The following U2AF2 variants were observed in gnomAD, a reference collection of about 807,000 sequenced individuals.
The protein encoded by U2AF2 is U2 small nuclear RNA auxiliary factor 2.
U2AF2 carries 6 observed loss-of-function variants against 52.6 expected under a neutral mutation model. That is an observed-to-expected ratio of 0.11 (90% CI 0.06 to 0.23). The LOEUF is 0.23. U2AF2 is among the 10% of genes least tolerant of loss of function. The probability of loss-of-function intolerance (pLI) is 1.00; values close to 1 mark genes in which losing one functional copy is unlikely to be tolerated. For synonymous variants in U2AF2, 284 were observed against 258.2 expected (o/e 1.10, Z -0.96); for missense variants, 222 against 677.1 (o/e 0.33, Z 7.46).
At chr19:55,667,546 G>A (rs754897621) in intron 7 of U2AF2, among the ~76,000 whole-genome samples, 1 of 152,202 alleles carries the variant, frequency 6.6e-6, no homozygotes, top group Non-Finnish European at 1.5e-5. Context: ...TCGAGGGCCA[G>A]TAAATTCAGC....
intron 7 of U2AF2, among the ~76,000 whole-genome samples, chr19:55,666,653 A>G (rs976773998): frequency 6.6e-6 from 1 of 152,254 alleles, no homozygotes; most frequent in African/African-American, 2.4e-5. Context: ...GGTTCTTCCC[A>G]TTCTACAGAT....
chr19:55,661,921 C>G (rs2123679885), intron 5 of U2AF2: 1 of 153,258 alleles, frequency 6.5e-6, no homozygotes, highest in East Asian at 1.9e-4. Flanking sequence ...TCCTCCACAT[C>G]ACTCTTTTCT....
Position 55,668,912 on chromosome 19 carries a change from C to T in U2AF2, c.945+120C>T. 2 of 1,527,214 alleles carry T rather than the reference C, an allele frequency of 1.3e-6. No individual in the cohort carries two copies. Among genetic ancestry groups the T allele is most frequent in the Non-Finnish European group, 1.8e-6 (2 of 1,133,688 alleles). 94.6% of individuals were successfully genotyped at this position (1,527,214 alleles called of 1,614,324 possible). ...GAGGCGGCCAACCTGAGGCAGTGCC[C>T]TGTGTGTGGGCTCGTCCCTGTCCCA... On this transcript the variant is annotated intron_variant, in intron 9 of 11. Coordinates refer to ENST00000308924, the MANE Select transcript of U2AF2 (RefSeq NM_007279.3). This position sits in a 1 kb window ranked among gnomAD's most constrained non-coding sequence, Gnocchi z 5.5.
chr19:55,672,343 T>G (rs1488694272), intron 11 of U2AF2, among the ~76,000 whole-genome samples: 1 of 152,182 alleles, frequency 6.6e-6, no homozygotes, highest in Non-Finnish European at 1.5e-5. Context: ...TCCCCCCTCC[T>G]TTTTCTTTGC....
intron 7 of U2AF2, chr19:55,664,182 T>A: frequency 5.8e-6 from 1 of 173,856 alleles, no homozygotes; most frequent in East Asian, 1.7e-4. Context: ...AGTGTTTGCC[T>A]TGAATCTTGT....
At chr19:55,661,342 GC>G in intron 5 of U2AF2, 153 bp downstream of exon 5, 1 of 839,460 alleles carries the variant, frequency 1.2e-6, no homozygotes, top group Non-Finnish European at 1.7e-6. Flanking sequence ...AGTTGAGCCA[GC>G]CAGGGGCCGG....
intron 11 of U2AF2, 142 bp downstream of exon 11, chr19:55,669,834 C>G (rs534517016): frequency 9.1e-6 from 12 of 1,312,674 alleles, no homozygotes; most frequent in African/African-American, 3.0e-5. Context: ...CCTCTCGCAG[C>G]GCGTGCGTAT....
rs746644301 is a variant in U2AF2 at position 55,655,149 on chromosome 19, A to G, written c.45A>G (p.Lys15=). 2 of 1,604,038 alleles carry G rather than the reference A, an allele frequency of 1.2e-6. No individual in the cohort carries two copies. Among genetic ancestry groups the G allele is most frequent in the Non-Finnish European group, 1.7e-6 (2 of 1,176,172 alleles). The change falls in exon 1 of 12, where the codon AAA becomes AAG. Residue 15 remains lysine (K), a synonymous_variant. Transcript: ENST00000308924. ...TCGAGCGGCAGCTCAACGAGAATAA[A>G]CAAGGTGAGGGCACCGGGGTCGCGG... is the stretch of plus-strand genomic sequence containing the variant. ...DEFERQLNEN[K]QERDKENRHR...
chr19:55,672,274 C>T (rs778677366), intron 11 of U2AF2, among the ~76,000 whole-genome samples: 2 of 152,156 alleles, frequency 1.3e-5, no homozygotes, highest in Admixed American at 1.3e-4. Context: ...GGTGTTCCTT[C>T]ATCTGGCTTC....
rs1341353786 is a variant in U2AF2, at chr19:55,674,706, A to G, written c.*638A>G. The G allele has an allele frequency of 6.6e-6, 1 of 151,910 alleles. No individual in the cohort carries two copies. The highest frequency in any genetic ancestry group is 1.5e-5 in the Non-Finnish European group (1 of 68,036). The allele number at this position is 151,910 out of a possible 1,614,324, so 9.4% of individuals were successfully genotyped here. On this transcript the variant is annotated 3_prime_UTR_variant, in exon 12 of 12. Transcript: ENST00000308924. ...ATTTGCTCATTAAACATTTTGTTGT[A>G]TTTTACTTTATGGAGCGGCTGTGTG...
At chr19:55,657,415 C>A (rs1371774697) in intron 1 of U2AF2, among the ~76,000 whole-genome samples, 1 of 152,202 alleles carries the variant, frequency 6.6e-6, no homozygotes, top group African/African-American at 2.4e-5. Flanking sequence ...CTGCTTCAGT[C>A]CTTTCCTCTG....
intron 1 of U2AF2, among the ~76,000 whole-genome samples, chr19:55,658,267 G>A (rs893443956): frequency 3.3e-5 from 5 of 152,170 alleles, no homozygotes; most frequent in Non-Finnish European, 7.3e-5. Flanking sequence ...TTGAATTAAG[G>A]AAATGGTGTG....
chr19:55,665,650 T>C (rs1025797130), intron 7 of U2AF2, among the ~76,000 whole-genome samples: 48 of 152,120 alleles, frequency 3.2e-4, no homozygotes, highest in Non-Finnish European at 4.3e-4. Flanking sequence ...GTTTTTTGTT[T>C]TTTTGTTGTG....
At chr19:55,673,036 G>T (rs950841288) in intron 11 of U2AF2, among the ~76,000 whole-genome samples, 1 of 151,660 alleles carries the variant, frequency 6.6e-6, no homozygotes, top group Non-Finnish European at 1.5e-5. Flanking sequence ...TTCACCTCCC[G>T]AGTTAAAGAA....
intron 1 of U2AF2, among the ~76,000 whole-genome samples, chr19:55,656,459 T>C (rs1435208114): frequency 6.6e-6 from 1 of 152,232 alleles, no homozygotes; most frequent in East Asian, 1.9e-4. Context: ...AGATACCTGC[T>C]TTGTCGTTTA....
intron 1 of U2AF2, among the ~76,000 whole-genome samples, chr19:55,655,715 C>G (rs1210745275): frequency 6.6e-6 from 1 of 152,234 alleles, no homozygotes; most frequent in African/African-American, 2.4e-5. Flanking sequence ...ACCCCTTTTC[C>G]TTTTTGCTGA....
At position 55,668,826 on chromosome 19, in the gene U2AF2, G is replaced by C; in HGVS notation, c.945+34G>C. The C allele has an allele frequency of 6.3e-7, 1 of 1,595,940 alleles. No individual in the cohort carries two copies. Among genetic ancestry groups the C allele is most frequent in the South Asian group, 1.1e-5 (1 of 89,942 alleles). ...CCGGTCGCTGGCCGCTGCCGCGTCTGTCCTTCCCTGCCCTGCGCTGTTGCC... is the reference window on the plus strand; with the variant it reads ...CCGGTCGCTGGCCGCTGCCGCGTCTCTCCTTCCCTGCCCTGCGCTGTTGCC... On this transcript the variant is annotated intron_variant, in intron 9 of 11. Transcript: ENST00000308924. This position sits in a 1 kb window ranked among gnomAD's most constrained non-coding sequence, Gnocchi z 5.5.
chr19:55,669,683 C>A lies in U2AF2; in HGVS notation c.1284C>A (p.Gly428=). 1 of 1,605,814 alleles carries A rather than the reference C, an allele frequency of 6.2e-7. No homozygotes were observed. Among genetic ancestry groups the A allele is most frequent in the Non-Finnish European group, 8.5e-7 (1 of 1,175,802 alleles). The change falls in exon 11 of 12, where the codon GGC becomes GGA. Residue 428 remains glycine (G), a synonymous_variant. Coordinates refer to ENST00000308924, the MANE Select transcript of U2AF2 (RefSeq NM_007279.3). ...CTGTGGACGGCGTCGAGGTGCCCGG[C>A]TGCGGAAAGGTCAGGAGGCCTCGGG... ...PRPVDGVEVP[G]CGKIFVEFTS... is the part of the protein sequence containing the mutation.
At chr19:55,662,985 T>A (rs995908342) in intron 6 of U2AF2, among the ~76,000 whole-genome samples, 3 of 152,100 alleles carry the variant, frequency 2.0e-5, no homozygotes, top group Non-Finnish European at 4.4e-5. Flanking sequence ...CTAACTAGTC[T>A]TCTGTTACCC....
Sources: allele counts gnomAD v4.1 joint callset (sites outside exome capture counted in the v4.1 genomes callset), GRCh38; gene constraint gnomAD v4.1.1; non-coding constraint Gnocchi (gnomAD v3.1); transcripts MANE v1.5; gene names NCBI Gene and HGNC (gene_info 2026-07-23, HGNC 2026-07-21).